Variants in DCLK2 observed in about 807,000 individuals in gnomAD.
DCLK2 encodes the protein serine/threonine-protein kinase DCLK2.
DCLK2 carries 31 observed loss-of-function variants against 78.4 expected under a neutral mutation model. The ratio of observed to expected loss-of-function variants is 0.40; its 90% confidence interval spans 0.30 to 0.53. The LOEUF is 0.53. Among genes scored for constraint, DCLK2 ranks in the 20% least tolerant of loss-of-function variants. DCLK2 has a pLI of 0.61. For synonymous variants in DCLK2, 407 were observed against 374.9 expected (o/e 1.09, Z -0.99); for missense variants, 872 against 973.7 (o/e 0.90, Z 1.39).
chr4:150,135,478 A>C (rs1157691893), intron 2 of DCLK2, among the ~76,000 whole-genome samples: 2 of 152,254 alleles, frequency 1.3e-5, no homozygotes, highest in African/African-American at 4.8e-5. Flanking sequence ...AGTTCAGTAC[A>C]AGACATGCAA....
At chr4:150,211,003 A>C (rs1158560560) in intron 5 of DCLK2, among the ~76,000 whole-genome samples, 1 of 152,180 alleles carries the variant, frequency 6.6e-6, no homozygotes, top group East Asian at 1.9e-4. Flanking sequence ...TAGCAGCTTA[A>C]AACAAAAGAA....
intron 4 of DCLK2, chr4:150,198,924 T>G: frequency 1.2e-4 from 28 of 229,136 alleles, no homozygotes; most frequent in Non-Finnish European, 2.4e-4. Context: ...CCCCCCCCAC[T>G]TTCTGTAGGG....
chr4:150,159,763 G>A (rs1426641022), intron 2 of DCLK2, among the ~76,000 whole-genome samples: 1 of 152,174 alleles, frequency 6.6e-6, no homozygotes, highest in Non-Finnish European at 1.5e-5. Context: ...TAATCCTAGT[G>A]GCAAAATGGA....
intron 12 of DCLK2, among the ~76,000 whole-genome samples, chr4:150,242,740 C>G (rs1290982237): frequency 6.6e-6 from 1 of 152,174 alleles, no homozygotes; most frequent in African/African-American, 2.4e-5. Flanking sequence ...CTTCCTCAGC[C>G]TCTGCTCACC....
At chr4:150,086,088 C>T (rs531214426) in intron 1 of DCLK2, among the ~76,000 whole-genome samples, 9 of 152,244 alleles carry the variant, frequency 5.9e-5, no homozygotes, top group South Asian at 2.1e-4. Flanking sequence ...AGACCATCCT[C>T]GTGAAAGGGA....
chr4:150,171,014 C>A (rs1736489550), intron 2 of DCLK2, among the ~76,000 whole-genome samples: 2 of 152,190 alleles, frequency 1.3e-5, no homozygotes, highest in Admixed American at 6.5e-5. Context: ...CCTCAGCATA[C>A]ATTCTTAATT....
chr4:150,184,294 C>G (rs139166019), intron 2 of DCLK2, among the ~76,000 whole-genome samples: 40 of 152,264 alleles, frequency 2.6e-4, no homozygotes, highest in African/African-American at 7.5e-4. Context: ...AAATCTTGAA[C>G]AGAAAGAAAT....
intron 1 of DCLK2, among the ~76,000 whole-genome samples, chr4:150,090,924 C>T (rs1334564952): frequency 6.6e-6 from 1 of 152,076 alleles, no homozygotes; most frequent in Non-Finnish European, 1.5e-5. Flanking sequence ...GTGTTGTATT[C>T]ATTGAGCAAA....
At chr4:150,208,482 C>T (rs959216943) in intron 5 of DCLK2, among the ~76,000 whole-genome samples, 4 of 151,300 alleles carry the variant, frequency 2.6e-5, no homozygotes, top group Admixed American at 1.3e-4. Flanking sequence ...AGTGCAGTGG[C>T]GTGATCTTGG....
At chr4:150,088,807 A>G (rs1729831408) in intron 1 of DCLK2, among the ~76,000 whole-genome samples, 1 of 152,348 alleles carries the variant, frequency 6.6e-6, no homozygotes, top group East Asian at 1.9e-4. Context: ...CCAAGGGGAA[A>G]AAAAGATCAT....
intron 5 of DCLK2, among the ~76,000 whole-genome samples, chr4:150,213,749 CATA>C (rs1740481877): frequency 6.6e-6 from 1 of 152,156 alleles, no homozygotes; most frequent in Non-Finnish European, 1.5e-5. Context: ...GTTATATAAT[CATA>C]AAACATGTTC....
intron 2 of DCLK2, among the ~76,000 whole-genome samples, chr4:150,154,578 A>AT (rs1274336535): frequency 1.3e-5 from 2 of 151,820 alleles, no homozygotes; most frequent in African/African-American, 2.4e-5. Flanking sequence ...CCTTGTTTTG[A>AT]TTTTTTTTAG....
chr4:150,093,545 C>T (rs1448247663), intron 1 of DCLK2, among the ~76,000 whole-genome samples: 1 of 152,152 alleles, frequency 6.6e-6, no homozygotes, highest in South Asian at 2.1e-4. Context: ...CCATACCTGG[C>T]TAATTTTTGT....
intron 5 of DCLK2, among the ~76,000 whole-genome samples, chr4:150,216,539 T>C (rs1255763379): frequency 6.6e-6 from 1 of 152,104 alleles, no homozygotes; most frequent in African/African-American, 2.4e-5. Context: ...CCCAGGAGGC[T>C]GAGGCAGGAG....
chr4:150,108,204 GT>G (rs1171975262), intron 2 of DCLK2, among the ~76,000 whole-genome samples: 1 of 151,986 alleles, frequency 6.6e-6, no homozygotes, highest in African/African-American at 2.4e-5. Flanking sequence ...TCACTTAAAT[GT>G]TTTTAAAAAT....
intron 8 of DCLK2, 150 bp from the exon 9 acceptor site, chr4:150,232,187 A>G (rs1410390176): frequency 7.4e-6 from 7 of 939,776 alleles, no homozygotes; most frequent in South Asian, 5.0e-5. Flanking sequence ...TACAGGGACA[A>G]TTAGGTCAGG....
chr4:150,228,996 G>A (rs968416613), intron 8 of DCLK2, among the ~76,000 whole-genome samples: 11 of 150,310 alleles, frequency 7.3e-5, no homozygotes, highest in African/African-American at 2.7e-4. Context: ...ACTGCAGTCC[G>A]CAGTCCGGCC....
chr4:150,092,671 T>G (rs1241136014), intron 1 of DCLK2, among the ~76,000 whole-genome samples: 3 of 152,140 alleles, frequency 2.0e-5, no homozygotes, highest in Non-Finnish European at 4.4e-5. Flanking sequence ...CTTATACTTT[T>G]TGAATATTAA....
intron 2 of DCLK2, among the ~76,000 whole-genome samples, chr4:150,186,912 GTGTGT>G (rs1560847215): frequency 6.6e-6 from 1 of 151,876 alleles, no homozygotes; most frequent in African/African-American, 2.4e-5. Flanking sequence ...GTGTGTGTGT[GTGTGT>G]GTGTGTGTGT....
Sources: allele counts gnomAD v4.1 joint callset (sites outside exome capture counted in the v4.1 genomes callset), GRCh38; gene constraint gnomAD v4.1.1; transcripts MANE v1.5; gene names NCBI Gene and HGNC (gene_info 2026-07-23, HGNC 2026-07-21).